Variants in CACNA2D3 observed in about 807,000 individuals in gnomAD.
CACNA2D3 encodes calcium voltage-gated channel auxiliary subunit alpha2delta 3, also known as voltage-dependent calcium channel subunit alpha-2/delta-3.
In CACNA2D3, 60 loss-of-function variants were observed where a neutral mutation model predicts 160.6. That is an observed-to-expected ratio of 0.37 (90% CI 0.30 to 0.46). The LOEUF is 0.46. CACNA2D3 is among the 20% of genes least tolerant of loss of function. The pLI is 1.00. For missense variants in CACNA2D3, 1,205 were observed against 1,365.0 expected (o/e 0.88, Z 1.85); for synonymous variants, 558 against 492.9 (o/e 1.13, Z -1.75).
intron 4 of CACNA2D3, among the ~76,000 whole-genome samples, chr3:54,406,563 G>T (rs1260569163): frequency 6.6e-6 from 1 of 151,754 alleles, no homozygotes; most frequent in South Asian, 2.1e-4. Context: ...AACACAGAAA[G>T]AAAAATATTT....
At chr3:54,579,955 A>C (rs1575358040) in intron 8 of CACNA2D3, among the ~76,000 whole-genome samples, 1 of 152,260 alleles carries the variant, frequency 6.6e-6, no homozygotes, top group Non-Finnish European at 1.5e-5. Context: ...AGCAAAGATG[A>C]ACGAGAGGGC....
At chr3:54,957,812 C>A (rs774741289) in intron 27 of CACNA2D3, among the ~76,000 whole-genome samples, 1 of 152,180 alleles carries the variant, frequency 6.6e-6, no homozygotes, top group African/African-American at 2.4e-5. Context: ...CCTACACAGT[C>A]CCCCAGACAC....
chr3:54,826,718 C>T (rs1575498336), intron 14 of CACNA2D3, among the ~76,000 whole-genome samples: 1 of 152,122 alleles, frequency 6.6e-6, no homozygotes. Context: ...TATTTATGAT[C>T]ATAATTAATT....
At chr3:54,658,765 C>T (rs113279553) in intron 11 of CACNA2D3, among the ~76,000 whole-genome samples, 1 of 151,912 alleles carries the variant, frequency 6.6e-6, no homozygotes, top group Non-Finnish European at 1.5e-5. Context: ...GCTTCTGGTA[C>T]CAAAGATCCC....
chr3:55,018,844 T>C (rs188275359), intron 35 of CACNA2D3, among the ~76,000 whole-genome samples: 26 of 152,248 alleles, frequency 1.7e-4, no homozygotes, highest in Non-Finnish European at 3.5e-4. Flanking sequence ...GGATCTACTC[T>C]TACTGATTTG....
chr3:54,918,342 T>TC, intron 27 of CACNA2D3: 6 of 376,498 alleles, frequency 1.6e-5, no homozygotes, highest in East Asian at 5.5e-5. Flanking sequence ...CTTTTTTTTT[T>TC]TTTTTTTTTT....
intron 35 of CACNA2D3, among the ~76,000 whole-genome samples, chr3:55,033,847 C>T (rs5008700): frequency 0.044 from 2,673 of 60,526 alleles, 301 homozygotes; most frequent in African/African-American, 0.087. Context: ...ATATATATTA[C>T]ATATTAAATA....
intron 11 of CACNA2D3, among the ~76,000 whole-genome samples, chr3:54,727,173 T>C (rs1465364588): frequency 6.6e-6 from 1 of 152,204 alleles, no homozygotes; most frequent in Non-Finnish European, 1.5e-5. Flanking sequence ...TCATCACTGA[T>C]CATTAGAGAA....
intron 11 of CACNA2D3, among the ~76,000 whole-genome samples, chr3:54,740,149 G>A (rs989934769): frequency 2.0e-5 from 3 of 152,060 alleles, no homozygotes; most frequent in African/African-American, 7.2e-5. Context: ...CACAGAACAC[G>A]TAGTCTCCGA....
At chr3:54,815,648 A>G (rs1396152245) in intron 13 of CACNA2D3, among the ~76,000 whole-genome samples, 1 of 152,190 alleles carries the variant, frequency 6.6e-6, no homozygotes, top group African/African-American at 2.4e-5. Flanking sequence ...TTGAATTAGT[A>G]TGTTCTAAAG....
intron 27 of CACNA2D3, chr3:54,918,330 T>TTG: frequency 3.0e-6 from 1 of 334,650 alleles, no homozygotes; most frequent in Non-Finnish European, 4.6e-6. Context: ...TCTTTTTTTT[T>TTG]TCTTTTTTTT....
At chr3:54,628,136 G>T (rs1699162362) in intron 10 of CACNA2D3, among the ~76,000 whole-genome samples, 1 of 152,172 alleles carries the variant, frequency 6.6e-6, no homozygotes, top group Non-Finnish European at 1.5e-5. Context: ...GGAGGTGGAG[G>T]CAGGAGAATG....
chr3:54,649,511 G>A (rs1258069688), intron 11 of CACNA2D3, among the ~76,000 whole-genome samples: 3 of 152,200 alleles, frequency 2.0e-5, no homozygotes, highest in Non-Finnish European at 1.5e-5. Context: ...TAAACAACAG[G>A]AATTTATTGC....
At chr3:55,068,872 G>A (rs1290411944) in intron 35 of CACNA2D3, among the ~76,000 whole-genome samples, 1 of 152,166 alleles carries the variant, frequency 6.6e-6, no homozygotes, top group East Asian at 1.9e-4. Flanking sequence ...TTACTGAGAA[G>A]TAAAACTACA....
At chr3:54,552,561 G>T (rs1702175913) in intron 5 of CACNA2D3, among the ~76,000 whole-genome samples, 1 of 152,104 alleles carries the variant, frequency 6.6e-6, no homozygotes, top group South Asian at 2.1e-4. Flanking sequence ...CTATAGCAAT[G>T]GACTTCAAAG....
chr3:54,344,317 G>A (rs879928980), intron 3 of CACNA2D3, among the ~76,000 whole-genome samples: 1 of 152,138 alleles, frequency 6.6e-6, no homozygotes, highest in Admixed American at 6.5e-5. Flanking sequence ...AGGCAGAGCA[G>A]TATGTCTTTG....
At chr3:54,688,608 G>A (rs1700511937) in intron 11 of CACNA2D3, among the ~76,000 whole-genome samples, 1 of 151,766 alleles carries the variant, frequency 6.6e-6, no homozygotes, top group Non-Finnish European at 1.5e-5. Flanking sequence ...TGGGCTCTGA[G>A]GACAGTTGTA....
rs188154695 is a variant in CACNA2D3, at chr3:54,710,042, A to T, written c.1168-42557A>T. Among the ~76,000 whole-genome samples the T allele has an allele frequency of 5.9e-5, 9 of 152,328 alleles. No homozygotes were observed. The East Asian group carries it at 1.7e-3, about 29-fold the overall frequency. On this transcript the variant is annotated intron_variant, in intron 11 of 37. Transcript: ENST00000474759. ...CACAGGGAGAGAGGTGGGAGTCAAA[A>T]ATCAGAGAATCGACTCATTCATTTG...
intron 2 of CACNA2D3, among the ~76,000 whole-genome samples, chr3:54,129,275 A>G (rs1340928620): frequency 6.6e-6 from 1 of 152,220 alleles, no homozygotes; most frequent in African/African-American, 2.4e-5. Context: ...TTCTGTGTGC[A>G]TAGCCAGCAC....
Sources: allele counts gnomAD v4.1 joint callset (sites outside exome capture counted in the v4.1 genomes callset), GRCh38; gene constraint gnomAD v4.1.1; transcripts MANE v1.5; gene names NCBI Gene and HGNC (gene_info 2026-07-23, HGNC 2026-07-21).